The following TMEM182 variants were observed in gnomAD, a reference collection of about 807,000 sequenced individuals.
TMEM182 encodes the protein transmembrane protein 182.
A neutral mutation model predicts 26.8 loss-of-function variants in TMEM182; 20 were observed. That is an observed-to-expected ratio of 0.75 (90% CI 0.53 to 1.09). TMEM182 has a LOEUF of 1.09. Ranked by LOEUF, TMEM182 falls within the 50% of genes least tolerant of loss-of-function variation. The pLI is 0.00. For missense variants in TMEM182, 277 were observed against 275.5 expected (o/e 1.01, Z -0.04); for synonymous variants, 109 against 102.2 (o/e 1.07, Z -0.40).
chr2:102,841,441 C>T (rs952255950), intron 3 of TMEM182, among the ~76,000 whole-genome samples: 3 of 152,128 alleles, frequency 2.0e-5, no homozygotes, highest in African/African-American at 7.2e-5. Context: ...CAGCAGGTGT[C>T]ACTGTGGAGT....
chr2:102,837,060 T>TGG (rs1683259079), intron 3 of TMEM182, among the ~76,000 whole-genome samples: 1 of 152,210 alleles, frequency 6.6e-6, no homozygotes, highest in Non-Finnish European at 1.5e-5. Context: ...TCTGTGTTAT[T>TGG]ATGGTACCTC....
intron 3 of TMEM182, among the ~76,000 whole-genome samples, chr2:102,783,943 A>C (rs553544804): frequency 9.3e-4 from 142 of 152,166 alleles, no homozygotes; most frequent in African/African-American, 3.3e-3. Context: ...TGTCTCAGCT[A>C]TCTTGTCTGT....
intron 3 of TMEM182, among the ~76,000 whole-genome samples, chr2:102,771,066 G>A (rs887991): frequency 0.48 from 73,398 of 151,970 alleles, 18,461 homozygotes; most frequent in African/African-American, 0.63. Context: ...GGGTGTTCAT[G>A]TATGGGGATT....
intron 3 of TMEM182, among the ~76,000 whole-genome samples, chr2:102,791,968 C>A (rs1430639902): frequency 6.6e-6 from 1 of 151,160 alleles, no homozygotes; most frequent in Non-Finnish European, 1.5e-5. Context: ...ACAAAAATAT[C>A]CTCCAAAAAT....
chr2:102,762,711 C>G (rs1680264356), intron 2 of TMEM182, 25 bp downstream of exon 2: 6 of 1,576,238 alleles, frequency 3.8e-6, no homozygotes, highest in Admixed American at 1.7e-5. Context: ...GCTTTATTTT[C>G]CCTCTTGTCT....
At chr2:102,814,124 C>T (rs536642961) in intron 4 of TMEM182, among the ~76,000 whole-genome samples, 4 of 151,728 alleles carry the variant, frequency 2.6e-5, no homozygotes, top group South Asian at 2.1e-4. Flanking sequence ...TGAAGAATCA[C>T]GTATATTCTT....
At position 102,762,346 on chromosome 2, in the gene TMEM182, G is replaced by C; in HGVS notation, c.129G>C (p.Lys43Asn). 6.2e-7 allele frequency: 1 copy of C among 1,613,836 alleles called. No homozygotes were observed. Among genetic ancestry groups the C allele is most frequent in the Non-Finnish European group, 8.5e-7 (1 of 1,179,910 alleles). ...ATEVGRCSGE[K>N]NIENVTFHHE... ...AAGTGGGGAGATGTTCAGGTGAAAA[G>C]AATGTGAGTCTCTTCTTCAAAATAG... The change falls in exon 1 of 5, where the codon AAG becomes AAC. Residue 43 changes from lysine (K) to asparagine (N), a missense_variant. Lys to Asn is a moderately conservative substitution (Grantham distance 94, BLOSUM62 0). Transcript: ENST00000412401.
At chr2:102,795,847 A>T (rs1243499076) in intron 3 of TMEM182, among the ~76,000 whole-genome samples, 5 of 152,168 alleles carry the variant, frequency 3.3e-5, no homozygotes, top group African/African-American at 1.2e-4. Context: ...GCTGTGGCAC[A>T]GTTCCATGCA....
At chr2:102,761,944 A>T, upstream of TMEM182, 2 of 332,656 alleles carry the variant, frequency 6.0e-6, no homozygotes, top group Non-Finnish European at 1.1e-5. Flanking sequence ...CATGGGAGAA[A>T]GACAGCTCCT....
In TMEM182 at chr2:102,841,636, T is replaced by A. The variant is rs75713910; in HGVS notation, c.326-1776T>A. 7.0e-3 allele frequency among the ~76,000 whole-genome samples: 1,073 copies of A among 152,334 alleles called. 14 individuals are homozygous for A. The highest frequency in any genetic ancestry group is 0.025 in the African/African-American group (1,031 of 41,574). ...TTGTCTTTGAACTAAGTTCACCAGA[T>A]CTTCCAAGTTTTAAAATGGGAGCTA... On this transcript the variant is annotated intron_variant, in intron 3 of 3. Transcript: ENST00000486293.
At position 102,814,992 on chromosome 2, in the gene TMEM182, T is replaced by C; in HGVS notation, c.*24T>C. The C allele has an allele frequency of 6.2e-7, 1 of 1,610,210 alleles. No homozygotes were observed. The highest frequency in any genetic ancestry group is 8.5e-7 in the Non-Finnish European group (1 of 1,178,290). Reference sequence around the variant, plus strand: ...AAATCAACTGTTGCCACAAGTATTTTCTTGAGAGATTTTAAAACAAGGAAT... The same window carrying C: ...AAATCAACTGTTGCCACAAGTATTTCCTTGAGAGATTTTAAAACAAGGAAT... On this transcript the variant is annotated 3_prime_UTR_variant, in exon 5 of 5. Transcript: ENST00000412401.
At chr2:102,791,104 T>G (rs1032815147) in intron 3 of TMEM182, among the ~76,000 whole-genome samples, 2 of 152,054 alleles carry the variant, frequency 1.3e-5, no homozygotes, top group Non-Finnish European at 2.9e-5. Context: ...CCTGGCTAAT[T>G]TTTGTATTTT....
At chr2:102,748,391 T>C (rs958466960) in intron 1 of TMEM182, among the ~76,000 whole-genome samples, 78 of 152,230 alleles carry the variant, frequency 5.1e-4, no homozygotes, top group African/African-American at 1.6e-3. Context: ...CTATGTATAA[T>C]TCTAAGTCAA....
At chr2:102,812,040 T>C (rs1381408758) in intron 4 of TMEM182, among the ~76,000 whole-genome samples, 1 of 152,108 alleles carries the variant, frequency 6.6e-6, no homozygotes, top group East Asian at 1.9e-4. Context: ...ACACACACAT[T>C]TACTTCTATA....
intron 3 of TMEM182, among the ~76,000 whole-genome samples, chr2:102,785,842 A>G (rs916732232): frequency 1.3e-5 from 2 of 152,154 alleles, no homozygotes; most frequent in African/African-American, 4.8e-5. Flanking sequence ...AAAATTATGA[A>G]AATGAAGACT....
downstream of TMEM182, among the ~76,000 whole-genome samples, chr2:102,818,436 A>G (rs1682821624): frequency 6.6e-6 from 1 of 152,218 alleles, no homozygotes; most frequent in Admixed American, 6.5e-5. Context: ...GAAAGAAAGG[A>G]AAACATCCAG....
At chr2:102,828,504 A>G (rs1035118781) in intron 3 of TMEM182, among the ~76,000 whole-genome samples, 1 of 152,236 alleles carries the variant, frequency 6.6e-6, no homozygotes, top group Non-Finnish European at 1.5e-5. Flanking sequence ...AAAAAAAGTC[A>G]TTAGGAAAAA....
downstream of TMEM182, chr2:102,817,706 A>G: frequency 5.1e-6 from 5 of 984,058 alleles, no homozygotes; most frequent in Non-Finnish European, 6.0e-6. Context: ...TTATTCATCT[A>G]TTTATCTGTC....
At position 102,803,606 on chromosome 2, in the gene TMEM182, G is replaced by A. The variant is rs576755915; in HGVS notation, c.469+5606G>A. On this transcript the variant is annotated intron_variant, in intron 4 of 4. Coordinates refer to ENST00000412401, the MANE Select transcript of TMEM182 (RefSeq NM_144632.5). ...GAGAGATAAGATGGATACATAATACGTAATTCAGGATTTTTTTCTCCTTAA... is the reference window on the plus strand; with the variant it reads ...GAGAGATAAGATGGATACATAATACATAATTCAGGATTTTTTTCTCCTTAA... Among the ~76,000 whole-genome samples the A allele has an allele frequency of 1.5e-4, 23 of 152,272 alleles. No individual in the cohort carries two copies. The South Asian group carries it at 2.5e-3, about 16-fold the overall frequency.
Sources: gnomAD v4.1 joint callset for allele counts (sites outside exome capture counted in the v4.1 genomes callset) on GRCh38, gnomAD v4.1.1 for gene constraint, MANE v1.5 for transcripts, NCBI Gene and HGNC (gene_info 2026-07-23, HGNC 2026-07-21) for gene names.